Variants in PPP1R42 observed in about 807,000 individuals in gnomAD.
The protein encoded by PPP1R42 is leucine rich repeat containing 67.
Under a neutral mutation model 31.0 loss-of-function variants are expected in PPP1R42, and 34 were observed. That is an observed-to-expected ratio of 1.10 (90% CI 0.83 to 1.46). The LOEUF is 1.46. Among genes scored for constraint, PPP1R42 ranks in the 40% most tolerant of loss-of-function variants. The pLI is 0.00. For synonymous variants in PPP1R42, 103 were observed against 109.8 expected, an observed-to-expected ratio of 0.94 and a Z score of 0.39; for missense variants, 268 against 303.0, an observed-to-expected ratio of 0.88 and a Z score of 0.86.
At chr8:66,981,448 C>T (rs899764591) in intron 7 of PPP1R42, among the ~76,000 whole-genome samples, 6 of 150,178 alleles carry the variant, frequency 4.0e-5, no homozygotes, top group Non-Finnish European at 8.9e-5. Context: ...GGCGCAATCT[C>T]GGCTCACTGC....
intron 1 of PPP1R42, 39 bp from the exon 2 acceptor site, chr8:67,017,870 G>A (rs1816064296): frequency 3.9e-6 from 4 of 1,034,424 alleles, no homozygotes; most frequent in Non-Finnish European, 5.1e-6. Context: ...TGATATCATA[G>A]CAATTTAAGG....
chr8:67,010,636 T>C, intron 5 of PPP1R42, 79 bp downstream of exon 5: 1 of 962,174 alleles, frequency 1.0e-6, no homozygotes, highest in Non-Finnish European at 1.6e-6. Flanking sequence ...GTGATATATT[T>C]ATTTTATAGC....
At position 66,992,972 on chromosome 8, in the gene PPP1R42, T is replaced by C. The variant is rs146576534; in HGVS notation, c.553-4455A>G. Reference sequence around the variant, plus strand: ...TTTATTTATCCTCTGAGCTGTGGCCTCATATGTCCAATTATGTACTTGACA... The same window carrying C: ...TTTATTTATCCTCTGAGCTGTGGCCCCATATGTCCAATTATGTACTTGACA... On this transcript the variant is annotated intron_variant, in intron 5 of 7. Coordinates refer to ENST00000685739, the MANE Select transcript of PPP1R42 (RefSeq NM_001364910.1). Among the ~76,000 whole-genome samples, 233 of 152,334 alleles carry C rather than the reference T, an allele frequency of 1.5e-3. 3 individuals carry two copies. Among genetic ancestry groups the C allele is most frequent in the Admixed American group, 0.014 (210 of 15,294 alleles).
intron 1 of PPP1R42, among the ~76,000 whole-genome samples, chr8:67,023,710 T>C (rs1410074948): frequency 1.3e-5 from 2 of 152,054 alleles, no homozygotes; most frequent in Admixed American, 1.3e-4. Flanking sequence ...CTGGGAACAG[T>C]GTTGAATAGA....
chr8:67,001,400 C>A (rs1261199293), intron 5 of PPP1R42, among the ~76,000 whole-genome samples: 4 of 149,118 alleles, frequency 2.7e-5, no homozygotes, highest in African/African-American at 7.3e-5. Flanking sequence ...TTTAATTGAA[C>A]TATTTAAATT....
At chr8:67,024,112 C>CTG (rs779928213) in intron 1 of PPP1R42, among the ~76,000 whole-genome samples, 1 of 151,660 alleles carries the variant, frequency 6.6e-6, no homozygotes, top group Non-Finnish European at 1.5e-5. Flanking sequence ...TGCCACTGCA[C>CTG]TCCAGCCTGG....
At chr8:66,969,611 G>C (rs1422331957) in intron 7 of PPP1R42, among the ~76,000 whole-genome samples, 1 of 152,154 alleles carries the variant, frequency 6.6e-6, no homozygotes, top group Admixed American at 6.5e-5. Flanking sequence ...AGGGAATAGG[G>C]GTAGGACAGT....
At chr8:66,971,205 T>C (rs1814529817) in intron 7 of PPP1R42, 1 of 1,173,324 alleles carries the variant, frequency 8.5e-7, no homozygotes, top group Non-Finnish European at 1.1e-6. Context: ...TTAAAAAGGG[T>C]ATAACAATAT....
chr8:67,004,423 T>C (rs1463036667), intron 5 of PPP1R42, among the ~76,000 whole-genome samples: 2 of 152,254 alleles, frequency 1.3e-5, no homozygotes, highest in Non-Finnish European at 2.9e-5. Flanking sequence ...GGTACTCTTA[T>C]TAGTCATATA....
intron 6 of PPP1R42, among the ~76,000 whole-genome samples, chr8:66,983,485 A>G (rs1355318783): frequency 2.0e-5 from 3 of 151,954 alleles, no homozygotes; most frequent in Admixed American, 6.6e-5. Flanking sequence ...CTTTCTTTCC[A>G]TAGGACTCTG....
chr8:66,964,728 G>A (rs763375842), intron 7 of PPP1R42, among the ~76,000 whole-genome samples: 2 of 152,060 alleles, frequency 1.3e-5, no homozygotes, highest in South Asian at 4.1e-4. Context: ...ATATAAAACA[G>A]TAGATTAATT....
intron 6 of PPP1R42, among the ~76,000 whole-genome samples, chr8:66,987,340 G>A (rs1405083359): frequency 7.2e-6 from 1 of 139,372 alleles, no homozygotes; most frequent in Non-Finnish European, 1.5e-5. Flanking sequence ...CACCCAGGCT[G>A]GAGTGCAATG....
chr8:67,026,025 A>C (rs1488335446), intron 1 of PPP1R42, among the ~76,000 whole-genome samples: 1 of 145,098 alleles, frequency 6.9e-6, no homozygotes, highest in Non-Finnish European at 1.5e-5. Context: ...AAAAAGAAAA[A>C]ATAAGAGCAT....
intron 5 of PPP1R42, among the ~76,000 whole-genome samples, chr8:67,007,608 A>G (rs1433902235): frequency 1.3e-5 from 2 of 152,198 alleles, no homozygotes; most frequent in African/African-American, 4.8e-5. Context: ...CGGCCTTCCA[A>G]AATGCTGGGA....
intron 5 of PPP1R42, among the ~76,000 whole-genome samples, chr8:66,995,110 G>T (rs1407702213): frequency 6.6e-6 from 1 of 152,162 alleles, no homozygotes; most frequent in Non-Finnish European, 1.5e-5. Context: ...CTATAGCACA[G>T]GGTTTGATGT....
intron 5 of PPP1R42, among the ~76,000 whole-genome samples, chr8:66,999,286 T>C (rs2130945250): frequency 6.6e-6 from 1 of 152,288 alleles, no homozygotes; most frequent in South Asian, 2.1e-4. Flanking sequence ...AGTGGCATGA[T>C]CTCGGCTCAC....
At chr8:66,998,026 G>A (rs1238195386) in intron 5 of PPP1R42, among the ~76,000 whole-genome samples, 1 of 151,976 alleles carries the variant, frequency 6.6e-6, no homozygotes, top group Non-Finnish European at 1.5e-5. Flanking sequence ...CATGTGTAGG[G>A]GCAGGCAGTA....
At chr8:67,019,061 C>T (rs888790053) in intron 1 of PPP1R42, among the ~76,000 whole-genome samples, 18 of 149,562 alleles carry the variant, frequency 1.2e-4, no homozygotes, top group African/African-American at 4.0e-4. Flanking sequence ...GTCTTGAACT[C>T]CTGAGCTCAG....
At chr8:67,002,925 G>C (rs770294107) in intron 5 of PPP1R42, among the ~76,000 whole-genome samples, 1 of 150,646 alleles carries the variant, frequency 6.6e-6, no homozygotes, top group Admixed American at 6.6e-5. Context: ...AGGCCGAGGC[G>C]GTTTGGATCG....
Sources: gnomAD v4.1 joint callset for allele counts (sites outside exome capture counted in the v4.1 genomes callset) on GRCh38, gnomAD v4.1.1 for gene constraint, MANE v1.5 for transcripts, NCBI Gene and HGNC (gene_info 2026-07-23, HGNC 2026-07-21) for gene names.